NPIPB8: variants seen among roughly 807,000 people sequenced by gnomAD.
NPIPB8 encodes nuclear pore complex interacting protein family member B8.
NPIPB8 carries 3 observed loss-of-function variants against 5.3 expected under a neutral mutation model. That is an observed-to-expected ratio of 0.57 (90% CI 0.26 to 1.47). NPIPB8 has a LOEUF of 1.47. NPIPB8 is among the 40% of genes most tolerant of loss of function. The pLI, the probability that NPIPB8 is intolerant of heterozygous loss-of-function variation, is 0.13. For synonymous variants in NPIPB8, 18 were observed against 23.0 expected, an observed-to-expected ratio of 0.78 and a Z score of 0.62; for missense variants, 50 against 50.2, an observed-to-expected ratio of 1.00 and a Z score of 0.01.
At chr16:28,639,131 C>T (rs2047846075) in intron 2 of NPIPB8, among the ~76,000 whole-genome samples, 1 of 145,632 alleles carries the variant, frequency 6.9e-6, no homozygotes, top group Non-Finnish European at 1.5e-5. Context: ...AGCTTCTAAA[C>T]TACTTTTTAA....
chr16:28,642,628 G>A (rs985823738), intron 2 of NPIPB8, among the ~76,000 whole-genome samples: 1 of 150,710 alleles, frequency 6.6e-6, no homozygotes, highest in Admixed American at 6.6e-5. Context: ...GGGACTACAG[G>A]TGCCCACCAC....
chr16:28,651,011 A>G (rs1485673735), intron 3 of NPIPB8, among the ~76,000 whole-genome samples: 168 of 97,970 alleles, frequency 1.7e-3, no homozygotes, highest in African/African-American at 0.01. Context: ...TTTGAGACGG[A>G]GTCTCACTCT....
chr16:28,647,765 C>CAA (rs1452873278), intron 2 of NPIPB8, among the ~76,000 whole-genome samples: 2 of 17,446 alleles, frequency 1.1e-4, no homozygotes, highest in Non-Finnish European at 1.9e-4. Context: ...ACTCTGTCTC[C>CAA]AAAAAAAAAA....
In NPIPB8 at chr16:28,638,612, T is replaced by A. The variant is rs1205625885; in HGVS notation, c.120+132T>A. ...CAGTACTGGCTTCTTCCTCTTTTTCTTTCCATACAAGTGGCTTAGGGATGG... is the reference window on the plus strand; with the variant it reads ...CAGTACTGGCTTCTTCCTCTTTTTCATTCCATACAAGTGGCTTAGGGATGG... On this transcript the variant is annotated intron_variant, in intron 2 of 7. Coordinates refer to ENST00000683297, the MANE Select transcript of NPIPB8 (RefSeq NM_001310136.2). 6 of 1,374,042 alleles carry A rather than the reference T, an allele frequency of 4.4e-6. No individual in the cohort carries two copies. The African/African-American group carries it at 9.1e-5, about 21-fold the overall frequency. 85.1% of individuals were successfully genotyped at this position (1,374,042 alleles called of 1,614,324 possible). A position where few individuals can be genotyped will look rare whatever the true frequency, so the allele number is the denominator to read the frequency against.
At chr16:28,639,550 G>A (rs1006426146) in intron 2 of NPIPB8, among the ~76,000 whole-genome samples, 23 of 131,566 alleles carry the variant, frequency 1.7e-4, no homozygotes, top group African/African-American at 5.7e-4. Flanking sequence ...TCCGTCTCCC[G>A]GGTTCAAGCA....
At chr16:28,643,018 C>G (rs540749689) in intron 2 of NPIPB8, among the ~76,000 whole-genome samples, 3 of 152,090 alleles carry the variant, frequency 2.0e-5, no homozygotes, top group Non-Finnish European at 4.4e-5. Flanking sequence ...GAGGACAGGG[C>G]CAGGAAAGGT....
chr16:28,642,401 G>T (rs994392644), intron 2 of NPIPB8, among the ~76,000 whole-genome samples: 9 of 152,046 alleles, frequency 5.9e-5, no homozygotes, highest in Non-Finnish European at 1.0e-4. Context: ...ACCATGCCCA[G>T]CCAAATCTAG....
At chr16:28,638,226 C>T (rs2047825937) in intron 1 of NPIPB8, 76 bp downstream of exon 1, 3 of 1,492,384 alleles carry the variant, frequency 2.0e-6, no homozygotes, top group Non-Finnish European at 2.7e-6. Context: ...TGGTTCTGTC[C>T]TTTTCTGAAG....
At chr16:28,637,956 A>G, upstream of NPIPB8, 2 of 759,364 alleles carry the variant, frequency 2.6e-6, no homozygotes, top group Non-Finnish European at 3.4e-6. Flanking sequence ...TTTAGACTTA[A>G]CATTTTCTTT....
intron 5 of NPIPB8, among the ~76,000 whole-genome samples, chr16:28,652,689 C>T (rs552503634): frequency 2.5e-4 from 31 of 125,982 alleles, no homozygotes; most frequent in Middle Eastern, 3.7e-3. Context: ...CAGCTCACTG[C>T]CTTTTGGCTT....
intron 1 of NPIPB8, 23 bp from the exon 2 acceptor site, chr16:28,638,300 T>A (rs183966887): frequency 7.8e-6 from 12 of 1,547,748 alleles, no homozygotes; most frequent in African/African-American, 1.4e-5. Flanking sequence ...TTCAACAAAC[T>A]TTTTTTCTTA....
At chr16:28,639,574 A>G (rs1022888811) in intron 2 of NPIPB8, among the ~76,000 whole-genome samples, 1 of 129,442 alleles carries the variant, frequency 7.7e-6, no homozygotes, top group African/African-American at 2.9e-5. Flanking sequence ...CCTCTGCCTC[A>G]GCCTCTGAGT....
intron 2 of NPIPB8, among the ~76,000 whole-genome samples, chr16:28,641,685 G>A (rs1484599039): frequency 2.3e-5 from 3 of 129,184 alleles, no homozygotes; most frequent in African/African-American, 5.7e-5. Context: ...TCAGGTACAC[G>A]GGTGCTCAAC....
chr16:28,639,749 C>A (rs3987668), intron 2 of NPIPB8, among the ~76,000 whole-genome samples: 1 of 148,448 alleles, frequency 6.7e-6, no homozygotes, highest in Non-Finnish European at 1.5e-5. Context: ...CGCTACACCC[C>A]GTCCAAGATA....
intron 2 of NPIPB8, among the ~76,000 whole-genome samples, chr16:28,645,159 C>T (rs75718491): frequency 2.6e-4 from 35 of 135,102 alleles, no homozygotes; most frequent in Middle Eastern, 3.5e-3. Flanking sequence ...TTGTCCTGCC[C>T]CAGCCTCCTG....
rs374854807 is a variant in NPIPB8, at chr16:28,641,393, A to G, written c.120+2913A>G. On this transcript the variant is annotated intron_variant, in intron 2 of 7. Transcript: ENST00000683297. ...ATCCACTGCCTCTGTGCCTGACTGT[A>G]CTGCTGATGCTCCAGTGGATAACTC... Among the ~76,000 whole-genome samples the G allele has an allele frequency of 2.8e-5, 4 of 144,632 alleles. No homozygotes were observed. In the East Asian group the frequency reaches 7.9e-4, roughly 28 times the overall value. The allele number at this position is 144,632 out of a possible 152,430, so 94.9% of individuals were successfully genotyped here.
chr16:28,651,604 T>TTTG (rs1190168126), intron 3 of NPIPB8, among the ~76,000 whole-genome samples: 2 of 39,128 alleles, frequency 5.1e-5, no homozygotes, highest in African/African-American at 2.7e-4. Flanking sequence ...CATGTCATTC[T>TTTG]TGTGTGTGTG....
intron 2 of NPIPB8, among the ~76,000 whole-genome samples, chr16:28,639,455 A>ATATATATT (rs1342219323): frequency 5.0e-5 from 6 of 120,848 alleles, no homozygotes; most frequent in African/African-American, 1.9e-4. Context: ...ATATATATAT[A>ATATATATT]TTTTTTTTTT....
intron 5 of NPIPB8, among the ~76,000 whole-genome samples, chr16:28,653,072 A>ATT (rs573542449): frequency 3.2e-3 from 229 of 72,514 alleles, no homozygotes; most frequent in East Asian, 0.017. Context: ...CATTCGGCCA[A>ATT]TTTTTTTTTT....
Sources: allele counts gnomAD v4.1 joint callset (sites outside exome capture counted in the v4.1 genomes callset), GRCh38; gene constraint gnomAD v4.1.1; transcripts MANE v1.5; gene names NCBI Gene and HGNC (gene_info 2026-07-23, HGNC 2026-07-21).